The following PLXNC1 variants were observed in gnomAD, a reference collection of about 807,000 sequenced individuals.
The protein encoded by PLXNC1 is plexin C1.
Under a neutral mutation model 178.2 loss-of-function variants are expected in PLXNC1, and 75 were observed. The observed-to-expected ratio is 0.42, with a 90% CI of 0.35 to 0.51. The LOEUF is 0.51. Among genes scored for constraint, PLXNC1 ranks in the 20% least tolerant of loss-of-function variants. The pLI is 0.02. For synonymous variants in PLXNC1, 790 were observed against 779.9 expected (o/e 1.01, Z -0.22); for missense variants, 1,503 against 1,984.4 (o/e 0.76, Z 4.61).
Position 94,196,063 on chromosome 12 carries a change from C to T in PLXNC1, c.1439+9590C>T, listed in dbSNP as rs1809505. Among the ~76,000 whole-genome samples, 497 of 152,298 alleles carry T rather than the reference C, an allele frequency of 3.3e-3. 2 individuals carry two copies. Among genetic ancestry groups the T allele is most frequent in the African/African-American group, 0.011 (459 of 41,564 alleles). On this transcript the variant is annotated intron_variant, in intron 4 of 30. Coordinates refer to ENST00000258526, the MANE Select transcript of PLXNC1 (RefSeq NM_005761.3). ...CCTGCTGGGATCCTTCCCACCAGGA[C>T]TGTGATTGCCCTGAAACTTGACCAG... is the stretch of plus-strand genomic sequence containing the variant.
intron 6 of PLXNC1, among the ~76,000 whole-genome samples, chr12:94,223,996 A>T (rs1442530349): frequency 1.3e-5 from 2 of 152,158 alleles, no homozygotes; most frequent in East Asian, 3.8e-4. Flanking sequence ...GGAGGCTTGG[A>T]ACTCGAGGTG....
intron 9 of PLXNC1, among the ~76,000 whole-genome samples, chr12:94,232,130 A>G (rs1188640528): frequency 1.3e-5 from 2 of 151,776 alleles, no homozygotes; most frequent in African/African-American, 2.4e-5. Context: ...CTTGTTGCCC[A>G]GGGTGGAGTG....
In PLXNC1 at chr12:94,181,557, A is replaced by G. The variant is rs114011728; in HGVS notation, c.1315A>G (p.Ile439Val). 4 of 1,607,616 alleles carry G rather than the reference A, an allele frequency of 2.5e-6. No individual in the cohort carries two copies. The African/African-American group carries it at 4.0e-5, about 16-fold the overall frequency. The change falls in exon 3 of 31, where the codon ATT (isoleucine) becomes GTT (valine). Residue 439 changes from isoleucine (I) to valine (V), a missense_variant. By Grantham distance (29) the Ile-to-Val change is conservative. Coordinates refer to ENST00000258526, the MANE Select transcript of PLXNC1 (RefSeq NM_005761.3). ...TCCTGATCCTGTGAAGAATATCTAC[A>G]TTTATCTAACAGCTGGGAAAGAGGT... ...LVPDPVKNIY[I>V]YLTAGKEVRR...
chr12:94,215,101 T>G (rs554448957), intron 5 of PLXNC1, among the ~76,000 whole-genome samples: 298 of 152,350 alleles, frequency 2.0e-3, no homozygotes, highest in African/African-American at 6.9e-3. Context: ...TTTCACCATG[T>G]TGGCCAGGCT....
At position 94,298,707 on chromosome 12, in the gene PLXNC1, A is replaced by G; in HGVS notation, c.4150A>G (p.Ile1384Val). ...SLPNSRAPFAIKYFFDFLDAQ... is the reference protein window; with the variant it reads ...SLPNSRAPFAVKYFFDFLDAQ... ...ACCCAACAGCAGAGCTCCATTTGCT[A>G]TAAAATACTTTTTTGACTTTTTGGA... Residue 1384 changes from isoleucine (I) to valine (V), a missense_variant, in exon 27 of 31, where the codon ATA becomes GTA. Coordinates refer to ENST00000258526, the MANE Select transcript of PLXNC1 (RefSeq NM_005761.3). 1 of 1,613,356 alleles carries G rather than the reference A, an allele frequency of 6.2e-7. No homozygotes were observed. Among genetic ancestry groups the G allele is most frequent in the Non-Finnish European group, 8.5e-7 (1 of 1,179,768 alleles).
chr12:94,173,169 C>T (rs1161476615), intron 2 of PLXNC1, among the ~76,000 whole-genome samples: 1 of 152,128 alleles, frequency 6.6e-6, no homozygotes, highest in Non-Finnish European at 1.5e-5. Context: ...CTGAACTCAG[C>T]TTTGGGGAAT....
intron 4 of PLXNC1, among the ~76,000 whole-genome samples, chr12:94,200,390 C>T (rs1963077889): frequency 6.6e-6 from 1 of 152,200 alleles, no homozygotes; most frequent in Admixed American, 6.5e-5. Flanking sequence ...CATATCCAAA[C>T]ACAATGTTCA....
intron 4 of PLXNC1, among the ~76,000 whole-genome samples, chr12:94,207,860 A>G (rs1963346426): frequency 6.6e-6 from 1 of 151,802 alleles, no homozygotes; most frequent in Non-Finnish European, 1.5e-5. Flanking sequence ...TTAGGCTTTG[A>G]CTCCCAGGCA....
chr12:94,262,017 G>A (rs888403558), intron 20 of PLXNC1, among the ~76,000 whole-genome samples: 9 of 152,160 alleles, frequency 5.9e-5, no homozygotes, highest in African/African-American at 1.2e-4. Flanking sequence ...TTTCTGGGAC[G>A]AATATTTTTT....
intron 23 of PLXNC1, among the ~76,000 whole-genome samples, chr12:94,291,128 G>A (rs1565866265): frequency 6.6e-6 from 1 of 152,232 alleles, no homozygotes; most frequent in Non-Finnish European, 1.5e-5. Flanking sequence ...GGTACCAAAA[G>A]GTCTTAGGTG....
intron 17 of PLXNC1, among the ~76,000 whole-genome samples, chr12:94,257,241 A>G (rs866834216): frequency 5.3e-5 from 8 of 152,104 alleles, no homozygotes; most frequent in Non-Finnish European, 1.0e-4. Context: ...TGGGGGTAGG[A>G]TTTGGGTGTT....
At position 94,254,834 on chromosome 12, in the gene PLXNC1, C is replaced by T; in HGVS notation, c.2929C>T (p.Gln977Ter). The change falls in exon 16 of 31, where the codon CAG (glutamine) becomes TAG (stop). Residue 977 changes from glutamine to a stop codon, truncating the protein, a stop_gained. Transcript: ENST00000258526. LOFTEE classifies it high-confidence loss of function. ...CAAATCGAAGGAGCTGAGTCGCAAA[C>T]AGAGTCAACAACTAGAATTGCTGGA... ...RHKSKELSRK[Q>*]SQQLELLESE... 6.2e-7 allele frequency: 1 copy of T among 1,611,682 alleles called. No homozygotes were observed. Among genetic ancestry groups the T allele is most frequent in the Non-Finnish European group, 8.5e-7 (1 of 1,179,454 alleles).
intron 9 of PLXNC1, among the ~76,000 whole-genome samples, chr12:94,234,432 A>G (rs550165564): frequency 2.6e-5 from 4 of 152,362 alleles, no homozygotes; most frequent in African/African-American, 9.6e-5. Context: ...TAAATCTCCT[A>G]ATTAACCAGC....
In PLXNC1 at chr12:94,306,758, T is replaced by G. The variant is rs1461408096; in HGVS notation, c.*1473T>G. ...AGGCAATTCCTTTTTGCTTCTGTAT[T>G]ATCTGGAAAAGCATGAGAGAGGTGA... is the stretch of plus-strand genomic sequence containing the variant. On this transcript the variant is annotated 3_prime_UTR_variant, in exon 31 of 31. Transcript: ENST00000258526. 1.3e-5 allele frequency: 2 copies of G among 152,208 alleles called. No individual in the cohort carries two copies. The highest frequency in any genetic ancestry group is 2.9e-5 in the Non-Finnish European group (2 of 68,046). 9.4% of individuals were successfully genotyped at this position (152,208 alleles called of 1,614,324 possible).
chr12:94,220,552 C>T (rs138120408), intron 6 of PLXNC1, among the ~76,000 whole-genome samples: 14 of 152,298 alleles, frequency 9.2e-5, no homozygotes, highest in African/African-American at 3.1e-4. Flanking sequence ...TTCATACATC[C>T]ATCCAGGAAG....
chr12:94,233,543 G>A (rs1057346938), intron 9 of PLXNC1, among the ~76,000 whole-genome samples: 3 of 152,144 alleles, frequency 2.0e-5, no homozygotes, highest in African/African-American at 4.8e-5. Context: ...TGATCTCTTC[G>A]CACAGGGCAT....
chr12:94,169,027 A>C, intron 1 of PLXNC1, 126 bp from the exon 2 acceptor site: 2 of 837,116 alleles, frequency 2.4e-6, no homozygotes, highest in Non-Finnish European at 3.7e-6. Flanking sequence ...AGTCTAAGAG[A>C]ATATATGTGG....
chr12:94,279,850 C>A (rs1966304262), intron 22 of PLXNC1: 2 of 695,524 alleles, frequency 2.9e-6, no homozygotes, highest in Admixed American at 4.1e-5. Context: ...TCGAAGGAAG[C>A]ACGGTCCTTC....
Position 94,259,595 on chromosome 12 carries a change from T to C in PLXNC1, c.3127-15T>C. ...TGATTTTGTATTATACTATATATTT[T>C]TTTCTTTTTATCAGAACAGAGACGC... is the stretch of plus-strand genomic sequence containing the variant. On this transcript the variant is annotated splice_polypyrimidine_tract_variant and intron_variant, in intron 18 of 30. Coordinates refer to ENST00000258526, the MANE Select transcript of PLXNC1 (RefSeq NM_005761.3). 1 of 1,556,532 alleles carries C rather than the reference T, an allele frequency of 6.4e-7. No homozygotes were observed. The highest frequency in any genetic ancestry group is 8.7e-7 in the Non-Finnish European group (1 of 1,150,158).
Sources: gnomAD v4.1 joint callset for allele counts (sites outside exome capture counted in the v4.1 genomes callset) on GRCh38, gnomAD v4.1.1 for gene constraint, MANE v1.5 for transcripts, NCBI Gene and HGNC (gene_info 2026-07-23, HGNC 2026-07-21) for gene names.